Variants in SCHIP1 observed in about 807,000 individuals in gnomAD.
SCHIP1 encodes schwannomin-interacting protein 1.
In SCHIP1, 8 loss-of-function variants were observed where a neutral mutation model predicts 29.7. That is an observed-to-expected ratio of 0.27 (90% CI 0.16 to 0.49). The LOEUF (loss-of-function observed/expected upper bound fraction) is 0.49. Ranked by LOEUF, SCHIP1 falls within the 20% of genes least tolerant of loss-of-function variation. The pLI is 0.99. For missense variants in SCHIP1, 193 were observed against 294.6 expected (o/e 0.66, Z 2.52); for synonymous variants, 76 against 94.9 (o/e 0.80, Z 1.16).
the SCHIP1 span, among the ~76,000 whole-genome samples, chr3:159,683,826 G>T: frequency 1.4e-4 from 21 of 152,204 alleles, no homozygotes; most frequent in Non-Finnish European, 5.9e-5. Flanking sequence ...AGACTCTGGT[G>T]TATAGAACAA....
the SCHIP1 span, among the ~76,000 whole-genome samples, chr3:159,718,456 A>G: frequency 1.3e-5 from 2 of 152,230 alleles, no homozygotes; most frequent in African/African-American, 4.8e-5. Context: ...CTGTTTGCAG[A>G]TGACATGATT....
the SCHIP1 span, among the ~76,000 whole-genome samples, chr3:159,766,090 AC>A: frequency 6.6e-6 from 1 of 152,236 alleles, no homozygotes; most frequent in African/African-American, 2.4e-5. Flanking sequence ...AGATAAAGCA[AC>A]AGTTGTAATT....
At chr3:159,615,599 C>T in the SCHIP1 span, among the ~76,000 whole-genome samples, 1 of 152,188 alleles carries the variant, frequency 6.6e-6, no homozygotes, top group African/African-American at 2.4e-5. Context: ...TTACCTGCCT[C>T]AGCCAGGCTC....
the SCHIP1 span, among the ~76,000 whole-genome samples, chr3:159,534,594 C>G: frequency 6.6e-6 from 1 of 151,908 alleles, no homozygotes; most frequent in Non-Finnish European, 1.5e-5. Context: ...AGAGAGAAAA[C>G]AGAAGGATGT....
the SCHIP1 span, among the ~76,000 whole-genome samples, chr3:159,544,831 G>T: frequency 6.6e-6 from 1 of 152,122 alleles, no homozygotes. Context: ...CTTTAATGAA[G>T]AGAAATTTTA....
the SCHIP1 span, among the ~76,000 whole-genome samples, chr3:159,825,772 G>C: frequency 4.1e-3 from 625 of 151,346 alleles, 7 homozygotes; most frequent in African/African-American, 0.015. Flanking sequence ...CAAATTAGAG[G>C]GAAAAAAAAA....
the SCHIP1 span, among the ~76,000 whole-genome samples, chr3:159,394,993 T>A: frequency 6.6e-6 from 1 of 152,186 alleles, no homozygotes. Context: ...CAAATTCAGA[T>A]CCTGTTATTG....
At chr3:159,865,870 A>G (rs1714569059) in intron 1 of SCHIP1, among the ~76,000 whole-genome samples, 1 of 152,218 alleles carries the variant, frequency 6.6e-6, no homozygotes, top group Admixed American at 6.5e-5. Context: ...AGCAGGTAAG[A>G]AGAAGAAAGA....
the SCHIP1 span, among the ~76,000 whole-genome samples, chr3:159,558,382 G>A: frequency 6.6e-6 from 1 of 152,264 alleles, no homozygotes; most frequent in East Asian, 1.9e-4. Flanking sequence ...GAAACAAGAA[G>A]AAGCAGGGAA....
chr3:159,714,046 G>C, the SCHIP1 span, among the ~76,000 whole-genome samples: 2 of 152,112 alleles, frequency 1.3e-5, no homozygotes, highest in Non-Finnish European at 2.9e-5. Flanking sequence ...AGGCCAGCAT[G>C]GCCAACATAG....
At chr3:159,631,404 G>A in the SCHIP1 span, among the ~76,000 whole-genome samples, 1 of 152,080 alleles carries the variant, frequency 6.6e-6, no homozygotes, top group Non-Finnish European at 1.5e-5. Context: ...GTTCATAGTG[G>A]CATGAGTCAC....
At chr3:159,617,957 G>T in the SCHIP1 span, among the ~76,000 whole-genome samples, 1 of 151,986 alleles carries the variant, frequency 6.6e-6, no homozygotes, top group Non-Finnish European at 1.5e-5. Context: ...TCCAGGGTGT[G>T]AACAGGGAGA....
At chr3:159,411,042 G>A in the SCHIP1 span, among the ~76,000 whole-genome samples, 17 of 152,056 alleles carry the variant, frequency 1.1e-4, no homozygotes, top group East Asian at 1.9e-4. Context: ...CAAACTTTGC[G>A]TGTTCTCACT....
chr3:159,530,969 C>G, the SCHIP1 span, among the ~76,000 whole-genome samples: 8 of 152,116 alleles, frequency 5.3e-5, no homozygotes, highest in Non-Finnish European at 2.9e-5. Context: ...ATAAAAATCC[C>G]CAGAAGTAAA....
chr3:159,877,453 T>C (rs1000851983), intron 2 of SCHIP1, among the ~76,000 whole-genome samples: 2 of 152,238 alleles, frequency 1.3e-5, no homozygotes, highest in African/African-American at 4.8e-5. Context: ...TGCGTAGAAT[T>C]CAAACAGTCA....
At chr3:159,529,650 T>C in the SCHIP1 span, among the ~76,000 whole-genome samples, 8 of 152,346 alleles carry the variant, frequency 5.3e-5, no homozygotes, top group Non-Finnish European at 1.2e-4. Context: ...TTTTGAAATA[T>C]AGAATAAATT....
intron 1 of SCHIP1, among the ~76,000 whole-genome samples, chr3:159,848,951 G>C (rs1712207169): frequency 6.6e-6 from 1 of 152,118 alleles, no homozygotes; most frequent in Non-Finnish European, 1.5e-5. Context: ...AGGGTGCACA[G>C]TGATGTCACC....
chr3:159,329,514 C>T, the SCHIP1 span, among the ~76,000 whole-genome samples: 4,796 of 152,186 alleles, frequency 0.032, 273 homozygotes, highest in African/African-American at 0.11. Flanking sequence ...GACTCCCTGG[C>T]TGGGAGGCAA....
At chr3:159,782,127 T>C in the SCHIP1 span, among the ~76,000 whole-genome samples, 1 of 152,142 alleles carries the variant, frequency 6.6e-6, no homozygotes, top group Admixed American at 6.5e-5. Context: ...CGGCAGCATG[T>C]CCAGCAAAGA....
Sources: allele counts gnomAD v4.1 joint callset (sites outside exome capture counted in the v4.1 genomes callset), GRCh38; gene constraint gnomAD v4.1.1; transcripts MANE v1.5; gene names NCBI Gene and HGNC (gene_info 2026-07-23, HGNC 2026-07-21).